The following SGCZ variants were observed in gnomAD, a reference collection of about 807,000 sequenced individuals.
The protein encoded by SGCZ is zeta-sarcoglycan.
A neutral mutation model predicts 41.3 loss-of-function variants in SGCZ; 40 were observed. The ratio of observed to expected loss-of-function variants is 0.97; its 90% confidence interval spans 0.75 to 1.26. The LOEUF (loss-of-function observed/expected upper bound fraction) is 1.26, where lower values mean the gene tolerates loss of function less well. Among genes scored for constraint, SGCZ ranks in the 50% most tolerant of loss-of-function variants. The pLI is 0.00. For missense variants in SGCZ, 552 were observed against 369.8 expected, an observed-to-expected ratio of 1.49 and a Z score of -4.04; for synonymous variants, 206 against 137.5, an observed-to-expected ratio of 1.50 and a Z score of -3.49.
intron 1 of SGCZ, among the ~76,000 whole-genome samples, chr8:14,754,857 G>A (rs561017587): frequency 6.6e-6 from 1 of 152,154 alleles, no homozygotes; most frequent in Admixed American, 6.5e-5. Context: ...AAGTAGCTGG[G>A]ACTATAGGTG....
intron 1 of SGCZ, among the ~76,000 whole-genome samples, chr8:14,835,430 G>A (rs954184222): frequency 4.6e-5 from 7 of 152,158 alleles, no homozygotes; most frequent in Non-Finnish European, 1.0e-4. Flanking sequence ...CAATCTACAC[G>A]ACAGTTCTCT....
chr8:14,256,622 TA>T (rs1799475029), intron 3 of SGCZ, among the ~76,000 whole-genome samples: 2 of 152,294 alleles, frequency 1.3e-5, no homozygotes, highest in Admixed American at 1.3e-4. Flanking sequence ...GATAAAAAAC[TA>T]TGATTTTACA....
At chr8:14,444,991 C>T (rs1245534743) in intron 2 of SGCZ, among the ~76,000 whole-genome samples, 1 of 152,154 alleles carries the variant, frequency 6.6e-6, no homozygotes, top group African/African-American at 2.4e-5. Context: ...TCACTGACTC[C>T]ATTACTTTCC....
intron 1 of SGCZ, among the ~76,000 whole-genome samples, chr8:15,185,758 G>A (rs780182078): frequency 2.0e-5 from 3 of 152,124 alleles, no homozygotes; most frequent in African/African-American, 7.2e-5. Flanking sequence ...TTTATGATAA[G>A]ATGAAGTAAT....
chr8:15,150,243 TA>T (rs34520482), intron 1 of SGCZ, among the ~76,000 whole-genome samples: 79,700 of 151,716 alleles, frequency 0.53, 24,539 homozygotes, highest in East Asian at 0.67. Flanking sequence ...ATATGTTTGA[TA>T]AAAATGAATA....
intron 3 of SGCZ, among the ~76,000 whole-genome samples, chr8:14,316,334 G>C (rs1801714262): frequency 6.6e-6 from 1 of 151,818 alleles, no homozygotes; most frequent in Admixed American, 6.6e-5. Flanking sequence ...TCATGAACAA[G>C]GAAAGTTCAT....
chr8:14,369,537 G>A (rs895578581), intron 2 of SGCZ, among the ~76,000 whole-genome samples: 1 of 151,772 alleles, frequency 6.6e-6, no homozygotes, highest in Non-Finnish European at 1.5e-5. Flanking sequence ...CATCTCCCAG[G>A]TTTCTCTACT....
intron 4 of SGCZ, among the ~76,000 whole-genome samples, chr8:14,192,904 T>C (rs1019469406): frequency 6.6e-6 from 1 of 152,092 alleles, no homozygotes; most frequent in African/African-American, 2.4e-5. Context: ...TTATACATTA[T>C]ATGTTTATGA....
chr8:14,642,116 G>T (rs556469919), intron 1 of SGCZ, among the ~76,000 whole-genome samples: 1 of 151,634 alleles, frequency 6.6e-6, no homozygotes, highest in Admixed American at 6.6e-5. Context: ...AGGAGTCTCA[G>T]AGCACAGCCA....
chr8:14,557,461 G>T (rs1240350019), intron 1 of SGCZ, among the ~76,000 whole-genome samples: 1 of 151,888 alleles, frequency 6.6e-6, no homozygotes, highest in Non-Finnish European at 1.5e-5. Context: ...TGTTCTTATT[G>T]CATTTGCTTT....
At chr8:14,200,352 A>T (rs1445415188) in intron 4 of SGCZ, among the ~76,000 whole-genome samples, 1 of 152,230 alleles carries the variant, frequency 6.6e-6, no homozygotes, top group African/African-American at 2.4e-5. Flanking sequence ...AGAGATTGAA[A>T]GATGAATCTA....
intron 1 of SGCZ, among the ~76,000 whole-genome samples, chr8:14,598,157 A>T (rs1805472659): frequency 6.6e-6 from 1 of 152,132 alleles, no homozygotes; most frequent in Admixed American, 6.5e-5. Context: ...AAGAAGGTTG[A>T]GAATTATCAT....
At chr8:14,338,237 C>G (rs899857728) in intron 2 of SGCZ, among the ~76,000 whole-genome samples, 4 of 152,302 alleles carry the variant, frequency 2.6e-5, no homozygotes, top group African/African-American at 9.6e-5. Flanking sequence ...AAAGGAGGAG[C>G]TGGGTCATGC....
At chr8:14,653,219 A>G (rs1456633071) in intron 1 of SGCZ, among the ~76,000 whole-genome samples, 1 of 152,056 alleles carries the variant, frequency 6.6e-6, no homozygotes, top group Admixed American at 6.6e-5. Context: ...CGACCAAAGC[A>G]ATGTGACGTG....
At chr8:15,190,927 ATAAT>A (rs893741856) in intron 1 of SGCZ, among the ~76,000 whole-genome samples, 5 of 152,084 alleles carry the variant, frequency 3.3e-5, no homozygotes, top group Middle Eastern at 3.2e-3. Flanking sequence ...TGACTTAGAA[ATAAT>A]TAATTTCTTT....
At chr8:14,103,405 G>T (rs982712616) in intron 6 of SGCZ, among the ~76,000 whole-genome samples, 2 of 152,094 alleles carry the variant, frequency 1.3e-5, no homozygotes, top group African/African-American at 2.4e-5. Flanking sequence ...GCCTGTGATC[G>T]CCCTACCACA....
intron 2 of SGCZ, among the ~76,000 whole-genome samples, chr8:14,417,760 T>C (rs1052608981): frequency 5.3e-5 from 8 of 151,130 alleles, no homozygotes; most frequent in Non-Finnish European, 1.0e-4. Flanking sequence ...TGTAAGGTGA[T>C]AGATATGTAA....
At chr8:14,390,657 A>C (rs1370344808) in intron 2 of SGCZ, among the ~76,000 whole-genome samples, 2 of 151,942 alleles carry the variant, frequency 1.3e-5, no homozygotes, top group Non-Finnish European at 2.9e-5. Context: ...GATTGCAGTC[A>C]TTTTAGGTTG....
intron 1 of SGCZ, among the ~76,000 whole-genome samples, chr8:14,605,936 T>G (rs1186498099): frequency 1.3e-5 from 2 of 152,158 alleles, no homozygotes; most frequent in Non-Finnish European, 2.9e-5. Context: ...ATTCCCTTTA[T>G]ATATAATTAA....
Sources: gnomAD v4.1 joint callset for allele counts (sites outside exome capture counted in the v4.1 genomes callset) on GRCh38, gnomAD v4.1.1 for gene constraint, MANE v1.5 for transcripts, NCBI Gene and HGNC (gene_info 2026-07-23, HGNC 2026-07-21) for gene names.